Variants in PCDHGA4 observed in about 807,000 individuals in gnomAD.
PCDHGA4 encodes protocadherin gamma-A4.
Under a neutral mutation model 54.6 loss-of-function variants are expected in PCDHGA4, and 38 were observed. The observed-to-expected ratio is 0.70, with a 90% CI of 0.54 to 0.91. The LOEUF is 0.91. PCDHGA4 is among the 40% of genes least tolerant of loss of function. The probability of loss-of-function intolerance (pLI) is 0.00; values close to 1 mark genes in which losing one functional copy is unlikely to be tolerated. For synonymous variants in PCDHGA4, 511 were observed against 512.9 expected, an observed-to-expected ratio of 1.00 and a Z score of 0.05; for missense variants, 1,298 against 1,220.9, an observed-to-expected ratio of 1.06 and a Z score of -0.94.
intron 1 of PCDHGA4, chr5:141,415,791 CCTAGTCTCAA>C: frequency 2.2e-6 from 3 of 1,341,938 alleles, no homozygotes; most frequent in Non-Finnish European, 1.9e-6. Flanking sequence ...GTAAAATTCA[CCTAGTCTCAA>C]TCAAGGCCTA....
chr5:141,370,790 CT>C (rs776090899), intron 1 of PCDHGA4: 1 of 1,614,038 alleles, frequency 6.2e-7, no homozygotes, highest in East Asian at 2.2e-5. Context: ...ACCCACCGAC[CT>C]TTAGCCAAAA....
intron 1 of PCDHGA4, among the ~76,000 whole-genome samples, chr5:141,461,739 C>T (rs1048636018): frequency 3.9e-5 from 6 of 152,134 alleles, no homozygotes; most frequent in Non-Finnish European, 7.4e-5. Context: ...GGCACAATCC[C>T]GGCTCCCAGA....
intron 1 of PCDHGA4, chr5:141,413,963 C>T (rs1368202031): frequency 6.8e-6 from 11 of 1,613,446 alleles, no homozygotes; most frequent in Non-Finnish European, 9.3e-6. Context: ...CCTGTGGGCA[C>T]TCAGCTGCTG....
chr5:141,372,063 G>T, intron 1 of PCDHGA4: 2 of 1,613,548 alleles, frequency 1.2e-6, no homozygotes. Context: ...CGACCGCAAC[G>T]ACAATGCACC....
At chr5:141,404,882 G>T (rs1380203392) in intron 1 of PCDHGA4, 3 of 1,613,772 alleles carry the variant, frequency 1.9e-6, no homozygotes, top group Non-Finnish European at 2.5e-6. Context: ...GAGCCTTGTG[G>T]TGGCTGTACA....
At chr5:141,361,203 A>G (rs1192913836) in intron 1 of PCDHGA4, 4 of 1,613,850 alleles carry the variant, frequency 2.5e-6, no homozygotes, top group Non-Finnish European at 3.4e-6. Flanking sequence ...CTACTCCCCT[A>G]CCGGAGGATT....
At chr5:141,478,045 T>C in intron 1 of PCDHGA4, 3 of 1,614,144 alleles carry the variant, frequency 1.9e-6, no homozygotes, top group East Asian at 2.2e-5. Flanking sequence ...CCAGGCAGAC[T>C]CTCACGGTCT....
chr5:141,405,815 T>C (rs755764286), intron 1 of PCDHGA4, among the ~76,000 whole-genome samples: 14 of 103,812 alleles, frequency 1.3e-4, no homozygotes, highest in Non-Finnish European at 2.3e-4. Flanking sequence ...TCTTTAACTG[T>C]CTGTACTTAA....
chr5:141,375,053 G>A, intron 1 of PCDHGA4: 1 of 1,614,046 alleles, frequency 6.2e-7, no homozygotes. Context: ...AGCCCGGGAT[G>A]GGCCAGGTCT....
intron 1 of PCDHGA4, chr5:141,398,897 C>T (rs761364649): frequency 1.2e-6 from 2 of 1,613,932 alleles, no homozygotes; most frequent in Non-Finnish European, 1.7e-6. Context: ...AACGTGCCAC[C>T]AGGCACCACT....
chr5:141,459,117 T>A (rs1489347692), intron 1 of PCDHGA4, among the ~76,000 whole-genome samples: 1 of 152,224 alleles, frequency 6.6e-6, no homozygotes, highest in Non-Finnish European at 1.5e-5. Flanking sequence ...GACAATTGTT[T>A]ACATCTGTGT....
At chr5:141,456,217 A>G (rs1328039447) in intron 1 of PCDHGA4, among the ~76,000 whole-genome samples, 1 of 152,064 alleles carries the variant, frequency 6.6e-6, no homozygotes, top group East Asian at 1.9e-4. Context: ...CCCTGTGGCG[A>G]TATCAAACTA....
intron 1 of PCDHGA4, chr5:141,375,832 G>A (rs1771947844): frequency 2.5e-6 from 4 of 1,614,028 alleles, no homozygotes; most frequent in Non-Finnish European, 3.4e-6. Context: ...GCTCCGCAGA[G>A]CCCGGCTACC....
chr5:141,366,488 C>T, intron 1 of PCDHGA4: 5 of 1,614,264 alleles, frequency 3.1e-6, no homozygotes, highest in Non-Finnish European at 4.2e-6. Flanking sequence ...GAGGCGCTGG[C>T]ACAAGTCACG....
chr5:141,489,159 T>G lies in PCDHGA4; in HGVS notation c.2515-5648T>G. On this transcript the variant is annotated intron_variant, in intron 1 of 3. Transcript: ENST00000571252. This position sits in a 1 kb window ranked among gnomAD's most constrained non-coding sequence, Gnocchi z 4.5. ...AGGCTGGAAGGAGACATAAGAGACT[T>G]CAGCTGCTGCATTCCAAGCCCTGGG... is the stretch of plus-strand genomic sequence containing the variant. 2 of 1,023,152 alleles carry G rather than the reference T, an allele frequency of 2.0e-6. No individual in the cohort carries two copies. Among genetic ancestry groups the G allele is most frequent in the Non-Finnish European group, 2.9e-6 (2 of 697,120 alleles). The allele number at this position is 1,023,152 out of a possible 1,614,324, so 63.4% of individuals were successfully genotyped here. A position where few individuals can be genotyped will look rare whatever the true frequency, so the allele number is the denominator to read the frequency against.
At chr5:141,366,242 C>T (rs766649335) in intron 1 of PCDHGA4, 1 of 1,613,782 alleles carries the variant, frequency 6.2e-7, no homozygotes, top group East Asian at 2.2e-5. Flanking sequence ...CAGAGACGCG[C>T]TCAAGCAGAG....
chr5:141,371,752 A>G, intron 1 of PCDHGA4: 1 of 1,614,006 alleles, frequency 6.2e-7, no homozygotes, highest in Non-Finnish European at 8.5e-7. Flanking sequence ...CCCGTTTTCC[A>G]CCAGGCCTCC....
At chr5:141,419,313 G>T in intron 1 of PCDHGA4, 1 of 1,613,974 alleles carries the variant, frequency 6.2e-7, no homozygotes, top group Non-Finnish European at 8.5e-7. Context: ...GGGCTCAACG[G>T]CCGTGTCTCC....
At position 141,471,885 on chromosome 5, in the gene PCDHGA4, A is replaced by G. The variant is rs180968509; in HGVS notation, c.2515-22922A>G. ...ACTGTGGTTGCCTGAGGCTGAAGCT[A>G]GGAAGATTGACTACAGACAAGCATG... On this transcript the variant is annotated intron_variant, in intron 1 of 3. Transcript: ENST00000571252. Among the ~76,000 whole-genome samples the G allele has an allele frequency of 1.9e-3, 294 of 152,338 alleles. 1 individual carries two copies. Among genetic ancestry groups the G allele is most frequent in the Middle Eastern group, 0.017 (5 of 294 alleles).
Sources: allele counts gnomAD v4.1 joint callset (sites outside exome capture counted in the v4.1 genomes callset), GRCh38; gene constraint gnomAD v4.1.1; non-coding constraint Gnocchi (gnomAD v3.1); transcripts MANE v1.5; gene names NCBI Gene and HGNC (gene_info 2026-07-23, HGNC 2026-07-21).